Variants in THBS4 observed in about 807,000 individuals in gnomAD.
THBS4 encodes the protein thrombospondin-4.
THBS4 carries 90 observed loss-of-function variants against 115.7 expected under a neutral mutation model. That is an observed-to-expected ratio of 0.78 (90% CI 0.66 to 0.93). The LOEUF (loss-of-function observed/expected upper bound fraction) is 0.93, where lower values mean the gene tolerates loss of function less well. Among genes scored for constraint, THBS4 ranks in the 40% least tolerant of loss-of-function variants. The probability of loss-of-function intolerance (pLI) is 0.00; values close to 1 mark genes in which losing one functional copy is unlikely to be tolerated. For synonymous variants in THBS4, 460 were observed against 479.3 expected, an observed-to-expected ratio of 0.96 and a Z score of 0.53; for missense variants, 1,087 against 1,232.7, an observed-to-expected ratio of 0.88 and a Z score of 1.77.
chr5:80,063,316 G>A (rs1316948246), intron 8 of THBS4, among the ~76,000 whole-genome samples: 1 of 152,108 alleles, frequency 6.6e-6, no homozygotes, highest in African/African-American at 2.4e-5. Flanking sequence ...TGTGTCTGTT[G>A]GCTGCATAAC....
At chr5:79,993,091 C>G (rs1831719472) in intron 1 of THBS4, among the ~76,000 whole-genome samples, 1 of 152,172 alleles carries the variant, frequency 6.6e-6, no homozygotes, top group South Asian at 2.1e-4. Flanking sequence ...AATGAACATT[C>G]TTAGTGGACA....
chr5:80,067,254 C>A (rs146551237), intron 9 of THBS4: 2 of 151,986 alleles, frequency 1.3e-5, no homozygotes, highest in Non-Finnish European at 2.9e-5. Context: ...ACAATGTATA[C>A]GTATATCACA....
chr5:79,992,155 C>G (rs1386406269), intron 1 of THBS4, among the ~76,000 whole-genome samples: 1 of 152,186 alleles, frequency 6.6e-6, no homozygotes, highest in Non-Finnish European at 1.5e-5. Flanking sequence ...CTAAATGTTT[C>G]TTGACGTTAA....
At chr5:80,017,573 G>T (rs895840234) in intron 2 of THBS4, among the ~76,000 whole-genome samples, 1 of 152,110 alleles carries the variant, frequency 6.6e-6, no homozygotes, top group African/African-American at 2.4e-5. Context: ...TGTTGTTTTA[G>T]TTGAGTGTGT....
At position 80,082,485 on chromosome 5, in the gene THBS4, G is replaced by C. The variant is rs764631149; in HGVS notation, c.2764G>C (p.Gly922Arg). ...CACCACAATGCGTGGAGGCCGACTT[G>C]GCGTTTTCTGCTTCTCTCAAGAAAA... ...IDTTMRGGRL[G>R]VFCFSQENII... The change falls in exon 21 of 22, where the codon GGC becomes CGC. Residue 922 changes from glycine to arginine, a missense_variant. Coordinates refer to ENST00000350881, the MANE Select transcript of THBS4 (RefSeq NM_003248.6). The C allele has an allele frequency of 6.2e-7, 1 of 1,614,142 alleles. No individual in the cohort carries two copies. Among genetic ancestry groups the C allele is most frequent in the Non-Finnish European group, 8.5e-7 (1 of 1,180,042 alleles).
At chr5:80,060,228 C>A (rs182600867) in intron 7 of THBS4, among the ~76,000 whole-genome samples, 4 of 152,240 alleles carry the variant, frequency 2.6e-5, no homozygotes, top group African/African-American at 9.6e-5. Context: ...TTGTTTTTCC[C>A]CCACTTTTGC....
At chr5:80,065,229 A>G (rs1342524755) in intron 8 of THBS4, among the ~76,000 whole-genome samples, 180 bp from the exon 9 acceptor site, 7 of 152,246 alleles carry the variant, frequency 4.6e-5, no homozygotes, top group South Asian at 2.1e-4. Flanking sequence ...ATTTGCAATT[A>G]GATTAAGTAC....
intron 2 of THBS4, among the ~76,000 whole-genome samples, chr5:80,015,567 G>A (rs1255685752): frequency 6.6e-6 from 1 of 152,172 alleles, no homozygotes; most frequent in African/African-American, 2.4e-5. Context: ...TTCTCCCTCT[G>A]ATAAGAAACC....
chr5:80,002,742 G>GGA (rs1379510806), intron 2 of THBS4, among the ~76,000 whole-genome samples: 1 of 123,324 alleles, frequency 8.1e-6, no homozygotes, highest in Non-Finnish European at 1.8e-5. Context: ...ACTCCAGAAG[G>GGA]GAGAAAAAAA....
At chr5:80,023,577 A>T (rs1832420572) in intron 2 of THBS4, among the ~76,000 whole-genome samples, 1 of 152,234 alleles carries the variant, frequency 6.6e-6, no homozygotes, top group Non-Finnish European at 1.5e-5. Flanking sequence ...TAACAAACTC[A>T]ATTACAAATG....
In THBS4 at chr5:79,997,211, G is replaced by A. The variant is rs537417752; in HGVS notation, n.82-1121G>A. Among the ~76,000 whole-genome samples the A allele has an allele frequency of 2.6e-5, 4 of 152,010 alleles. No homozygotes were observed. The East Asian group carries it at 7.7e-4, about 29-fold the overall frequency. The stretch of plus-strand genomic sequence containing the variant: ...CAAGACTTATTCTAAATGTAAAGTT[G>A]ATCTCAATACACCAATTAAAAGACA... On this transcript the variant is annotated intron_variant and non_coding_transcript_variant, in intron 1 of 3. Transcript: ENST00000510218.
intron 1 of THBS4, among the ~76,000 whole-genome samples, chr5:79,997,456 A>G (rs1418086138): frequency 6.6e-6 from 1 of 152,202 alleles, no homozygotes; most frequent in Non-Finnish European, 1.5e-5. Context: ...ACAAGACAAC[A>G]TATTAATCCC....
chr5:80,071,621 C>G (rs755398890), intron 13 of THBS4: 9 of 160,132 alleles, frequency 5.6e-5, no homozygotes, highest in Non-Finnish European at 8.1e-5. Context: ...GAAGGAAAAA[C>G]CTTTTTGAAA....
chr5:80,066,421 T>A (rs902398552), intron 9 of THBS4: 1 of 152,152 alleles, frequency 6.6e-6, no homozygotes, highest in Admixed American at 6.5e-5. Context: ...CATTTTACAA[T>A]TGAAGAAACT....
intron 2 of THBS4, among the ~76,000 whole-genome samples, chr5:79,998,688 A>C (rs1374974475): frequency 6.6e-6 from 1 of 152,218 alleles, no homozygotes; most frequent in African/African-American, 2.4e-5. Context: ...TTATTTTACA[A>C]CTTCCTGTGA....
chr5:80,015,043 G>T (rs563014627), intron 2 of THBS4, among the ~76,000 whole-genome samples: 1 of 152,292 alleles, frequency 6.6e-6, no homozygotes, highest in East Asian at 1.9e-4. Flanking sequence ...CAAAAACTTG[G>T]AAATGTCACC....
rs1388032541 is a variant in THBS4, at chr5:80,059,871, C to G, written c.953C>G (p.Thr318Arg). Residue 318 changes from threonine (T) to arginine (R), a missense_variant, in exon 7 of 22, where the codon ACA becomes AGA. This residue lies in a region of THBS4 where 979 missense variants were observed against 1,103.7 expected (regional missense o/e 0.89). Coordinates refer to ENST00000350881, the MANE Select transcript of THBS4 (RefSeq NM_003248.6). ...FQCGPCPEGY[T>R]GNGITCIDVD... is the part of the protein sequence containing the mutation. Reference sequence around the variant, plus strand: ...TGTGGGCCCTGCCCCGAGGGCTACACAGGAAACGGGATCACCTGTATTGAT... The same window carrying G: ...TGTGGGCCCTGCCCCGAGGGCTACAGAGGAAACGGGATCACCTGTATTGAT... 6.2e-7 allele frequency: 1 copy of G among 1,614,042 alleles called. No individual in the cohort carries two copies. Among genetic ancestry groups the G allele is most frequent in the Non-Finnish European group, 8.5e-7 (1 of 1,180,044 alleles).
At chr5:80,070,210 C>T in intron 10 of THBS4, 96 bp from the exon 11 acceptor site, 1 of 1,033,144 alleles carries the variant, frequency 9.7e-7, no homozygotes, top group South Asian at 1.6e-5. Flanking sequence ...GGGCCCTCCC[C>T]CTGGGATTGA....
upstream of THBS4, among the ~76,000 whole-genome samples, chr5:80,031,077 C>T (rs1233191687): frequency 6.6e-6 from 1 of 152,180 alleles, no homozygotes; most frequent in Admixed American, 6.5e-5. Flanking sequence ...TCAATAATGC[C>T]ATCACACATG....
Sources: allele counts gnomAD v4.1 joint callset (sites outside exome capture counted in the v4.1 genomes callset), GRCh38; gene constraint gnomAD v4.1.1; regional missense constraint gnomAD v4.1.1; transcripts MANE v1.5; gene names NCBI Gene and HGNC (gene_info 2026-07-23, HGNC 2026-07-21).